Variants in MSI2 observed in about 807,000 individuals in gnomAD.
MSI2 encodes RNA-binding protein Musashi homolog 2.
A neutral mutation model predicts 45.6 loss-of-function variants in MSI2; 17 were observed. The ratio of observed to expected loss-of-function variants is 0.37; its 90% CI spans 0.26 to 0.56. The LOEUF (loss-of-function observed/expected upper bound fraction) is 0.56. MSI2 is among the 20% of genes least tolerant of loss of function. The probability of loss-of-function intolerance (pLI) is 0.77; values close to 1 mark genes in which losing one functional copy is unlikely to be tolerated. For missense variants in MSI2, 293 were observed against 444.2 expected (o/e 0.66, Z 3.06); for synonymous variants, 156 against 158.2 (o/e 0.99, Z 0.11).
chr17:57,292,243 A>G (rs1910485757), intron 5 of MSI2, among the ~76,000 whole-genome samples: 1 of 152,204 alleles, frequency 6.6e-6, no homozygotes, highest in African/African-American at 2.4e-5. Flanking sequence ...ATTCCGCTCA[A>G]GAGATAGAGA....
At chr17:57,378,361 T>G (rs2083538372) in intron 5 of MSI2, among the ~76,000 whole-genome samples, 2 of 152,164 alleles carry the variant, frequency 1.3e-5, no homozygotes, top group Non-Finnish European at 2.9e-5. Context: ...CCTCCCGGGT[T>G]GAAGCAATTC....
At chr17:57,434,073 T>C (rs1205730530) in intron 6 of MSI2, among the ~76,000 whole-genome samples, 1 of 152,226 alleles carries the variant, frequency 6.6e-6, no homozygotes, top group Non-Finnish European at 1.5e-5. Flanking sequence ...CACATACTTA[T>C]CATTTCTTTG....
At chr17:57,512,919 G>A (rs1042053991) in intron 6 of MSI2, among the ~76,000 whole-genome samples, 10 of 147,288 alleles carry the variant, frequency 6.8e-5, no homozygotes, top group Admixed American at 6.8e-4. Context: ...GATGGCAGCT[G>A]TTTAGTTCTT....
chr17:57,473,176 C>G (rs1469223349), intron 6 of MSI2, among the ~76,000 whole-genome samples: 2 of 152,236 alleles, frequency 1.3e-5, no homozygotes, highest in Non-Finnish European at 2.9e-5. Flanking sequence ...TGGCGTGAGC[C>G]ACCGCGCCTG....
chr17:57,676,820 G>A (rs1231993140), intron 12 of MSI2, among the ~76,000 whole-genome samples, 167 bp from the exon 13 acceptor site: 1 of 152,184 alleles, frequency 6.6e-6, no homozygotes, highest in East Asian at 1.9e-4. Context: ...TAGGGATTTG[G>A]AGCTGAGGAG....
rs552450974 is a variant in MSI2, at chr17:57,453,324, G to A, written c.405+51853G>A. 2.0e-5 allele frequency among the ~76,000 whole-genome samples: 3 copies of A among 152,234 alleles called. No individual in the cohort carries two copies. In the East Asian group the frequency reaches 5.8e-4, roughly 29 times the overall value. ...CCTGAGGGGCTTCTTGCTTTTGCTT[G>A]TGGTCACTTCCCTGCAATGCTGCTG... On this transcript the variant is annotated intron_variant, in intron 6 of 13. Transcript: ENST00000284073.
intron 9 of MSI2, chr17:57,625,538 G>C (rs943162096): frequency 6.6e-6 from 1 of 152,236 alleles, no homozygotes; most frequent in South Asian, 2.1e-4. Flanking sequence ...AAGCCACTGA[G>C]CAGGTGGGTG....
intron 6 of MSI2, among the ~76,000 whole-genome samples, chr17:57,476,409 C>A (rs1043216382): frequency 3.9e-5 from 6 of 152,192 alleles, no homozygotes; most frequent in African/African-American, 1.4e-4. Flanking sequence ...ACAACTGTTT[C>A]GTCTAGAGTG....
intron 6 of MSI2, among the ~76,000 whole-genome samples, chr17:57,413,831 A>G (rs1223836342): frequency 6.6e-6 from 1 of 152,038 alleles, no homozygotes; most frequent in African/African-American, 2.4e-5. Flanking sequence ...TCCGCAATGT[A>G]GGACTGTTTA....
intron 7 of MSI2, among the ~76,000 whole-genome samples, chr17:57,577,512 G>T (rs1386021776): frequency 6.6e-6 from 1 of 152,102 alleles, no homozygotes; most frequent in Non-Finnish European, 1.5e-5. Context: ...AGTAGATATT[G>T]GTTTAATTAC....
At chr17:57,523,371 C>T (rs2086634371) in intron 6 of MSI2, among the ~76,000 whole-genome samples, 1 of 152,120 alleles carries the variant, frequency 6.6e-6, no homozygotes, top group Admixed American at 6.5e-5. Flanking sequence ...TAAAGTTTTC[C>T]TATTCAGCCA....
At chr17:57,480,458 A>G (rs2085626553) in intron 6 of MSI2, among the ~76,000 whole-genome samples, 1 of 152,234 alleles carries the variant, frequency 6.6e-6, no homozygotes. Context: ...CATTAACTGA[A>G]GTTCAGGCTC....
chr17:57,406,411 T>C (rs568914247), intron 6 of MSI2, among the ~76,000 whole-genome samples: 5 of 152,288 alleles, frequency 3.3e-5, no homozygotes, highest in Admixed American at 1.3e-4. Flanking sequence ...TTCTCACTTA[T>C]AGGATTTTGG....
chr17:57,485,857 G>A (rs762032156), intron 6 of MSI2, among the ~76,000 whole-genome samples: 8 of 152,190 alleles, frequency 5.3e-5, no homozygotes, highest in Non-Finnish European at 1.0e-4. Flanking sequence ...GGAGGGGAGG[G>A]CATCACTAGG....
chr17:57,383,384 C>A (rs903838317), intron 5 of MSI2, among the ~76,000 whole-genome samples: 2 of 152,290 alleles, frequency 1.3e-5, no homozygotes, highest in South Asian at 2.1e-4. Context: ...AGGCTGGGTG[C>A]GGTGGCTCAT....
intron 5 of MSI2, among the ~76,000 whole-genome samples, chr17:57,321,859 C>T (rs763608049): frequency 2.5e-4 from 38 of 152,060 alleles, no homozygotes; most frequent in Admixed American, 1.5e-3. Flanking sequence ...TGCCGTGGCG[C>T]GATCTTGGCT....
At chr17:57,393,025 A>T (rs1450271841) in intron 5 of MSI2, among the ~76,000 whole-genome samples, 2 of 152,164 alleles carry the variant, frequency 1.3e-5, no homozygotes, top group Non-Finnish European at 2.9e-5. Context: ...AAGAAACCGC[A>T]TACCCTTTAG....
At chr17:57,378,148 C>T (rs557197356) in intron 5 of MSI2, among the ~76,000 whole-genome samples, 9 of 151,964 alleles carry the variant, frequency 5.9e-5, no homozygotes, top group South Asian at 2.1e-4. Context: ...TTTGCTCTGT[C>T]GTGTCCCGGG....
intron 6 of MSI2, chr17:57,522,269 T>C (rs1370364802): frequency 6.6e-6 from 1 of 152,222 alleles, no homozygotes; most frequent in Non-Finnish European, 1.5e-5. Context: ...TGTTTATTTA[T>C]ACTAACACTT....
Sources: gnomAD v4.1 joint callset for allele counts (sites outside exome capture counted in the v4.1 genomes callset) on GRCh38, gnomAD v4.1.1 for gene constraint, MANE v1.5 for transcripts, NCBI Gene and HGNC (gene_info 2026-07-23, HGNC 2026-07-21) for gene names.